Variants in TCF4 observed in about 807,000 individuals in gnomAD.
TCF4 encodes the protein SL3-3 enhancer factor 2.
Under a neutral mutation model 82.1 loss-of-function variants are expected in TCF4, and 3 were observed. The ratio of observed to expected loss-of-function variants is 0.04; its 90% CI spans 0.02 to 0.09. The LOEUF (loss-of-function observed/expected upper bound fraction) is 0.09. Ranked by LOEUF, TCF4 falls within the 10% of genes least tolerant of loss-of-function variation. The pLI, the probability that TCF4 is intolerant of heterozygous loss-of-function variation, is 1.00. For missense variants in TCF4, 518 were observed against 852.7 expected, an observed-to-expected ratio of 0.61 and a Z score of 4.89; for synonymous variants, 276 against 309.6, an observed-to-expected ratio of 0.89 and a Z score of 1.14.
chr18:55,411,718 T>C (rs1056217402), intron 5 of TCF4, among the ~76,000 whole-genome samples: 10 of 151,934 alleles, frequency 6.6e-5, no homozygotes, highest in African/African-American at 2.4e-4. Context: ...TTCGGTAGAG[T>C]CTGGCATTCT....
chr18:55,380,950 A>G (rs139177837), intron 6 of TCF4, among the ~76,000 whole-genome samples: 131 of 152,358 alleles, frequency 8.6e-4, no homozygotes, highest in African/African-American at 3.0e-3. Flanking sequence ...ATACTTTCCA[A>G]TCATCTTGCC....
chr18:55,619,909 C>G (rs932347971), intron 2 of TCF4, among the ~76,000 whole-genome samples: 1 of 152,060 alleles, frequency 6.6e-6, no homozygotes, highest in African/African-American at 2.4e-5. Flanking sequence ...TATGGTTAGG[C>G]TTTGTGTCCC....
At chr18:55,579,499 T>C in intron 3 of TCF4, among the ~76,000 whole-genome samples, 1 of 151,994 alleles carries the variant, frequency 6.6e-6, no homozygotes, top group East Asian at 1.9e-4. Context: ...CTGTTCCTAC[T>C]TAGCTTCATT....
rs1388807430 is a variant in TCF4 at position 55,633,807 on chromosome 18, T to C, written c.195+1896A>G. On this transcript the variant is annotated intron_variant, in intron 1 of 20. Transcript: ENST00000398339. This position sits in a 1 kb window ranked among gnomAD's most constrained non-coding sequence, Gnocchi z 4.0. ...AAGCCCAAAGTAGGTCTGTGGGCTA[T>C]AGTTTGTCAACCCTTGATATAGAGC... Among the ~76,000 whole-genome samples the C allele has an allele frequency of 6.6e-6, 1 of 152,124 alleles. No individual in the cohort carries two copies. The highest frequency in any genetic ancestry group is 6.5e-5 in the Admixed American group (1 of 15,272).
intron 16 of TCF4, 74 bp downstream of exon 16, chr18:55,234,474 A>G (rs2048790542): frequency 1.3e-6 from 2 of 1,597,072 alleles, no homozygotes; most frequent in South Asian, 2.2e-5. Flanking sequence ...AGGGATGAAC[A>G]CCAAGAGGCT....
chr18:55,351,813 T>C (rs1650140344), intron 6 of TCF4: 4 of 907,710 alleles, frequency 4.4e-6, no homozygotes, highest in South Asian at 1.0e-4. Flanking sequence ...TATAAATCGC[T>C]TGATTATACT....
At chr18:55,390,205 A>C (rs1049281623) in intron 6 of TCF4, among the ~76,000 whole-genome samples, 1 of 149,054 alleles carries the variant, frequency 6.7e-6, no homozygotes, top group Admixed American at 6.8e-5. Context: ...TAATCCCAGC[A>C]CTTTGGGAGG....
At chr18:55,406,168 A>G (rs899537599) in intron 5 of TCF4, among the ~76,000 whole-genome samples, 27 of 146,030 alleles carry the variant, frequency 1.8e-4, no homozygotes, top group Non-Finnish European at 4.0e-4. Flanking sequence ...TGCTCCTTGT[A>G]AAGATTTCAT....
intron 8 of TCF4, among the ~76,000 whole-genome samples, chr18:55,292,366 T>TA (rs2065285185): frequency 6.6e-6 from 1 of 152,186 alleles, no homozygotes; most frequent in African/African-American, 2.4e-5. Flanking sequence ...AATAGAAATG[T>TA]AAAACCCATA....
chr18:55,355,635 T>C (rs929546617), intron 6 of TCF4, among the ~76,000 whole-genome samples: 1 of 152,188 alleles, frequency 6.6e-6, no homozygotes, highest in Non-Finnish European at 1.5e-5. Context: ...ACAGTCTTCT[T>C]TCCTGATTCC....
At chr18:55,496,840 C>G (rs1285949159) in intron 3 of TCF4, among the ~76,000 whole-genome samples, 3 of 143,014 alleles carry the variant, frequency 2.1e-5, no homozygotes, top group Admixed American at 7.4e-5. Flanking sequence ...ACACAGCAGT[C>G]TACAATGGAA....
intron 3 of TCF4, among the ~76,000 whole-genome samples, chr18:55,533,765 G>C (rs932156868): frequency 6.6e-6 from 1 of 152,006 alleles, no homozygotes; most frequent in Non-Finnish European, 1.5e-5. Context: ...TCATTTTCTG[G>C]GGCCCAAATA....
rs1445037330 is a variant in TCF4 at position 55,556,369 on chromosome 18, G to A, written c.145+28911C>T. ...AAAATGCCACTGTAAAAAGAATAGA[G>A]CCTAATTTCTCAATAGTATTATATT... On this transcript the variant is annotated intron_variant, in intron 3 of 19. Coordinates refer to ENST00000354452, the MANE Select transcript of TCF4 (RefSeq NM_001083962.2). Among the ~76,000 whole-genome samples the A allele has an allele frequency of 5.3e-5, 8 of 152,164 alleles. No homozygotes were observed. The East Asian group carries it at 1.5e-3, about 29-fold the overall frequency.
At chr18:55,617,341 G>A (rs780091296) in intron 2 of TCF4, among the ~76,000 whole-genome samples, 60 of 152,098 alleles carry the variant, frequency 3.9e-4, no homozygotes, top group Non-Finnish European at 7.9e-4. Context: ...CTGTTGCTTT[G>A]TAATATATTT....
intron 8 of TCF4, among the ~76,000 whole-genome samples, chr18:55,309,088 CATTT>C (rs1372365607): frequency 1.8e-3 from 271 of 151,890 alleles, no homozygotes; most frequent in African/African-American, 6.3e-3. Context: ...TGACTGACAT[CATTT>C]ATTTATTATT....
At chr18:55,287,750 C>G (rs1281450819) in intron 8 of TCF4, among the ~76,000 whole-genome samples, 1 of 152,194 alleles carries the variant, frequency 6.6e-6, no homozygotes, top group Non-Finnish European at 1.5e-5. Context: ...GCAAAGCACA[C>G]CAGGGGTTAC....
At chr18:55,509,242 CTT>C (rs2146244486) in intron 3 of TCF4, among the ~76,000 whole-genome samples, 1 of 151,998 alleles carries the variant, frequency 6.6e-6, no homozygotes, top group South Asian at 2.1e-4. Context: ...TAAAAAAAAA[CTT>C]TGATATAATC....
At chr18:55,516,800 G>C (rs564512689) in intron 3 of TCF4, among the ~76,000 whole-genome samples, 2 of 151,942 alleles carry the variant, frequency 1.3e-5, no homozygotes, top group South Asian at 4.2e-4. Context: ...CTGGTGTAGA[G>C]TGGGAGAGAA....
intron 6 of TCF4, among the ~76,000 whole-genome samples, chr18:55,368,591 G>C (rs901899549): frequency 6.6e-6 from 1 of 152,190 alleles, no homozygotes; most frequent in Non-Finnish European, 1.5e-5. Context: ...TGTGGGCCAT[G>C]GGTTAGACAA....
Sources: gnomAD v4.1 joint callset for allele counts (sites outside exome capture counted in the v4.1 genomes callset) on GRCh38, gnomAD v4.1.1 for gene constraint, Gnocchi (gnomAD v3.1) non-coding constraint, MANE v1.5 for transcripts, NCBI Gene and HGNC (gene_info 2026-07-23, HGNC 2026-07-21) for gene names.